The following NOMO1 variants were observed in gnomAD, a reference collection of about 807,000 sequenced individuals.
NOMO1 encodes nodal modulator 3.
A neutral mutation model predicts 133.8 loss-of-function variants in NOMO1; 40 were observed. The ratio of observed to expected loss-of-function variants is 0.30; its 90% CI spans 0.23 to 0.39. NOMO1 has a LOEUF of 0.39. NOMO1 is among the 10% of genes least tolerant of loss of function. The pLI is 1.00. For missense variants in NOMO1, 462 were observed against 1,419.9 expected (o/e 0.33, Z 10.84); for synonymous variants, 236 against 570.5 (o/e 0.41, Z 8.36).
rs367926289 is a variant in NOMO1 at position 14,876,480 on chromosome 16, G to A, written c.2478G>A (p.Pro826=). 2.8e-5 allele frequency: 45 copies of A among 1,611,448 alleles called. No individual in the cohort carries two copies. Among genetic ancestry groups the A allele is most frequent in the South Asian group, 6.6e-5 (6 of 90,950 alleles). ...IVISEKGASS[P]LITVFTDDKG... ...TCAGTGAAAAGGGGGCAAGTTCACC[G>A]CTGATCACAGTCTTTACTGATGACA... Residue 826 remains proline (P), a synonymous_variant, in exon 21 of 31, where the codon CCG becomes CCA. Coordinates refer to ENST00000287667, the MANE Select transcript of NOMO1 (RefSeq NM_014287.4).
chr16:14,879,691 G>T (rs1364535983), intron 23 of NOMO1, among the ~76,000 whole-genome samples: 2 of 140,986 alleles, frequency 1.4e-5, no homozygotes, highest in African/African-American at 5.4e-5. Context: ...ACTACGGTGT[G>T]CTGTGATCGT....
intron 1 of NOMO1, among the ~76,000 whole-genome samples, chr16:14,834,724 C>T (rs1347977476): frequency 4.9e-5 from 7 of 142,176 alleles, no homozygotes; most frequent in Admixed American, 4.2e-4. Flanking sequence ...TTGTAAAGTC[C>T]TGTTAAATGT....
At position 14,866,661 on chromosome 16, in the gene NOMO1, G is replaced by A; in HGVS notation, c.1776G>A (p.Leu592=). 1 of 1,610,168 alleles carries A rather than the reference G, an allele frequency of 6.2e-7. No homozygotes were observed. Among genetic ancestry groups the A allele is most frequent in the South Asian group, 1.1e-5 (1 of 90,934 alleles). ...AVEFRQTGYM[L]RCSLSHAITL... is the part of the protein sequence containing the mutation. Reference sequence around the variant, plus strand: ...AGTTCAGGCAGACGGGCTACATGCTGAGATGTTCCCTGTCTCACGCCATCA... The same window carrying A: ...AGTTCAGGCAGACGGGCTACATGCTAAGATGTTCCCTGTCTCACGCCATCA... The change falls in exon 15 of 31, where the codon CTG becomes CTA. Residue 592 remains leucine (L), a synonymous_variant. Coordinates refer to ENST00000287667, the MANE Select transcript of NOMO1 (RefSeq NM_014287.4).
intron 26 of NOMO1, 88 bp from the exon 27 acceptor site, chr16:14,884,284 T>A: frequency 6.7e-7 from 1 of 1,500,160 alleles, no homozygotes; most frequent in Non-Finnish European, 9.2e-7. Context: ...AAGTTTGCCA[T>A]GAAGCAGCTC....
chr16:14,859,949 T>C (rs1567541134), intron 11 of NOMO1, among the ~76,000 whole-genome samples: 1 of 151,934 alleles, frequency 6.6e-6, no homozygotes. Flanking sequence ...CTGCATAGGA[T>C]AGGAAGGACC....
intron 26 of NOMO1, among the ~76,000 whole-genome samples, chr16:14,883,116 A>G (rs997382622): frequency 5.3e-5 from 8 of 151,952 alleles, no homozygotes; most frequent in Non-Finnish European, 1.0e-4. Flanking sequence ...TAGCTAAATT[A>G]ATCCCTAAAG....
chr16:14,866,013 C>T (rs1421211337), intron 14 of NOMO1, among the ~76,000 whole-genome samples: 1 of 141,130 alleles, frequency 7.1e-6, no homozygotes, highest in Non-Finnish European at 1.5e-5. Flanking sequence ...ATCTTACAGG[C>T]CCCATTAGAT....
intron 3 of NOMO1, among the ~76,000 whole-genome samples, chr16:14,843,575 A>G (rs1963636978): frequency 6.6e-6 from 1 of 151,868 alleles, no homozygotes; most frequent in Non-Finnish European, 1.5e-5. Flanking sequence ...GTATTATCTC[A>G]CTGTGGCCTT....
intron 11 of NOMO1, among the ~76,000 whole-genome samples, chr16:14,859,032 G>C (rs1963884303): frequency 6.6e-6 from 1 of 152,010 alleles, no homozygotes; most frequent in Admixed American, 6.5e-5. Context: ...TACTTGGATG[G>C]ATGGTAAATC....
rs375487 is a variant in NOMO1 at position 14,878,837 on chromosome 16, A to G, written c.2757+3A>G. 246,871 of 1,496,500 alleles carry G rather than the reference A, an allele frequency of 0.16. 16 individuals are homozygous for G. Among genetic ancestry groups the G allele is most frequent in the Non-Finnish European group, 0.18 (193,368 of 1,093,344 alleles). The allele number at this position is 1,496,500 out of a possible 1,614,324, so 92.7% of individuals were successfully genotyped here. The stretch of plus-strand genomic sequence containing the variant: ...GCATTCTGACATTCTCAAACCTGGT[A>G]ACGTGTTCTGCAATTTACCACCTGC... On this transcript the variant is annotated splice_donor_region_variant and intron_variant, in intron 23 of 30. Coordinates refer to ENST00000287667, the MANE Select transcript of NOMO1 (RefSeq NM_014287.4).
At chr16:14,887,276 G>A (rs979522956) in intron 28 of NOMO1, among the ~76,000 whole-genome samples, 2 of 151,316 alleles carry the variant, frequency 1.3e-5, no homozygotes, top group African/African-American at 4.9e-5. Flanking sequence ...TCACAAATCT[G>A]TTCCTCATCA....
chr16:14,889,259 T>G, intron 29 of NOMO1, 44 bp downstream of exon 29: 1 of 1,611,664 alleles, frequency 6.2e-7, no homozygotes, highest in Non-Finnish European at 8.5e-7. Flanking sequence ...GGGCTGGGTT[T>G]GGTGGCTCAC....
chr16:14,867,168 ATATATATATTTTTTTTTTT>A (rs1964012056), intron 15 of NOMO1, among the ~76,000 whole-genome samples: 2 of 16,318 alleles, frequency 1.2e-4, no homozygotes, highest in Admixed American at 1.3e-3. Context: ...ATATATATAT[ATATATATATTTTTTTTTTT>A]TTTTTTTTTT....
chr16:14,884,252 C>G, intron 26 of NOMO1, 120 bp from the exon 27 acceptor site: 2 of 1,482,380 alleles, frequency 1.3e-6, no homozygotes, highest in South Asian at 1.2e-5. Context: ...TGACAAACTT[C>G]GCTTCCTTAA....
chr16:14,853,557 G>A lies in NOMO1; in HGVS notation c.826G>A (p.Asp276Asn). ...VYLCYTVSRE[D>N]GSFSFYSLPS... is the part of the protein sequence containing the mutation. ...TTTGTGCTACACGGTCTCCAGAGAA[G>A]ATGGCTCGTTCTCTTTCTATTCCTT... The change falls in exon 8 of 31, where the codon GAT becomes AAT. Residue 276 changes from aspartate to asparagine, a missense_variant. Physicochemically the swap from Asp to Asn is conservative, Grantham distance 23. Coordinates refer to ENST00000287667, the MANE Select transcript of NOMO1 (RefSeq NM_014287.4). 1 of 1,609,782 alleles carries A rather than the reference G, an allele frequency of 6.2e-7. No homozygotes were observed. The highest frequency in any genetic ancestry group is 1.1e-5 in the South Asian group (1 of 90,858).
At chr16:14,868,407 GT>G (rs1170905688) in intron 15 of NOMO1, 140 bp from the exon 16 acceptor site, 1 of 597,188 alleles carries the variant, frequency 1.7e-6, no homozygotes, top group East Asian at 2.8e-5. Context: ...GTTTTGGGAG[GT>G]TTTTAATTTT....
At chr16:14,879,454 T>C (rs1246653160) in intron 23 of NOMO1, among the ~76,000 whole-genome samples, 1 of 149,882 alleles carries the variant, frequency 6.7e-6, no homozygotes, top group Non-Finnish European at 1.5e-5. Flanking sequence ...TCTTTATTCA[T>C]TAAATTCAAA....
rs375868824 is a variant in NOMO1, at chr16:14,875,044, T to C, written c.2063T>C (p.Ile688Thr). The change falls in exon 19 of 31, where the codon ATC becomes ACC. Residue 688 changes from isoleucine (I) to threonine (T), a missense_variant. Coordinates refer to ENST00000287667, the MANE Select transcript of NOMO1 (RefSeq NM_014287.4). Reference protein sequence around the residue: ...MDVTVTIKSSIDSEPALVLGP... With the variant: ...MDVTVTIKSSTDSEPALVLGP... ...GGCCGTCTTTCTTCTAGGTCTTCCA[T>C]CGACAGTGAACCCGCCTTGGTCTTA... 6.2e-7 allele frequency: 1 copy of C among 1,613,684 alleles called. No individual in the cohort carries two copies. The highest frequency in any genetic ancestry group is 1.3e-5 in the African/African-American group (1 of 74,802).
At position 14,866,563 on chromosome 16, in the gene NOMO1, A is replaced by G. The variant is rs1567543031; in HGVS notation, c.1678A>G (p.Met560Val). ...VLPGKYKISIMHEDWCWKNKS... is the reference protein window; with the variant it reads ...VLPGKYKISIVHEDWCWKNKS... ...GGTGTTTGCTTTTGCAGTAAGCATCATGCATGAGGATTGGTGCTGGAAGAA... is the reference window on the plus strand; with the variant it reads ...GGTGTTTGCTTTTGCAGTAAGCATCGTGCATGAGGATTGGTGCTGGAAGAA... The change falls in exon 15 of 31, where the codon ATG becomes GTG. Residue 560 changes from methionine (M) to valine (V), a missense_variant. Physicochemically the swap from Met to Val is conservative, Grantham distance 21. Coordinates refer to ENST00000287667, the MANE Select transcript of NOMO1 (RefSeq NM_014287.4). The G allele has an allele frequency of 1.9e-6, 3 of 1,610,182 alleles. No individual in the cohort carries two copies. Among genetic ancestry groups the G allele is most frequent in the Non-Finnish European group, 1.7e-6 (2 of 1,179,754 alleles).
Sources: allele counts gnomAD v4.1 joint callset (sites outside exome capture counted in the v4.1 genomes callset), GRCh38; gene constraint gnomAD v4.1.1; transcripts MANE v1.5; gene names NCBI Gene and HGNC (gene_info 2026-07-23, HGNC 2026-07-21).